The following CSMD1 variants were observed in gnomAD, a reference collection of about 807,000 sequenced individuals.
CSMD1 encodes the protein CUB and sushi domain-containing protein 1.
In CSMD1, 213 loss-of-function variants were observed where a neutral mutation model predicts 417.5. The observed-to-expected ratio is 0.51, with a 90% CI of 0.46 to 0.57. CSMD1 has a LOEUF of 0.57. Among genes scored for constraint, CSMD1 ranks in the 20% least tolerant of loss-of-function variants. The probability of loss-of-function intolerance (pLI) is 0.00; values close to 1 mark genes in which losing one functional copy is unlikely to be tolerated. For synonymous variants in CSMD1, 2,862 were observed against 1,736.8 expected (o/e 1.65, Z -16.11); for missense variants, 6,923 against 4,529.7 (o/e 1.53, Z -15.17).
chr8:3,669,870 G>A (rs931700679), intron 7 of CSMD1, among the ~76,000 whole-genome samples: 2 of 152,150 alleles, frequency 1.3e-5, no homozygotes, highest in Admixed American at 1.3e-4. Flanking sequence ...GGGCCCAGGT[G>A]ATGATCAAGC....
chr8:3,958,771 G>C (rs535438494), intron 5 of CSMD1, among the ~76,000 whole-genome samples: 2 of 152,190 alleles, frequency 1.3e-5, no homozygotes, highest in Non-Finnish European at 2.9e-5. Flanking sequence ...CTTCTGTCCA[G>C]TTCAAAGAGG....
intron 5 of CSMD1, among the ~76,000 whole-genome samples, chr8:3,843,559 C>A (rs1025735486): frequency 6.6e-6 from 1 of 151,838 alleles, no homozygotes; most frequent in Non-Finnish European, 1.5e-5. Context: ...AAGTTATTCA[C>A]GATGCTTTTA....
chr8:3,677,244 A>C (rs1799424550), intron 7 of CSMD1, among the ~76,000 whole-genome samples: 1 of 152,238 alleles, frequency 6.6e-6, no homozygotes, highest in South Asian at 2.1e-4. Context: ...GTCCAAGATT[A>C]ATAGCATGCA....
intron 1 of CSMD1, among the ~76,000 whole-genome samples, chr8:4,715,674 G>A (rs1347812601): frequency 6.6e-6 from 1 of 151,924 alleles, no homozygotes; most frequent in Non-Finnish European, 1.5e-5. Flanking sequence ...CTTAATTTTG[G>A]CAACTGTTCC....
intron 26 of CSMD1, among the ~76,000 whole-genome samples, chr8:3,257,530 G>A (rs7835399): frequency 5.7e-4 from 87 of 152,134 alleles, no homozygotes; most frequent in South Asian, 3.1e-3. Context: ...CAGGAGTGTC[G>A]ATGGCACTGA....
Position 3,108,794 on chromosome 8 carries a change from G to C in CSMD1, c.6609-46C>G, listed in dbSNP as rs936145127. The C allele has an allele frequency of 7.7e-6, 12 of 1,553,450 alleles. No homozygotes were observed. In the Admixed American group the frequency reaches 1.2e-4, roughly 16 times the overall value. ...TGGCTGGCTAAGGATATTTACTTCT[G>C]AGTGAGATTTATGGAAACTTTGGCT... is the stretch of plus-strand genomic sequence containing the variant. On this transcript the variant is annotated intron_variant, in intron 43 of 69. Coordinates refer to ENST00000635120, the MANE Select transcript of CSMD1 (RefSeq NM_033225.6).
intron 54 of CSMD1, 99 bp downstream of exon 54, chr8:2,997,912 G>T (rs1807054237): frequency 1.7e-6 from 2 of 1,163,836 alleles, no homozygotes. Context: ...AACTCTTTAT[G>T]CATTACCCTT....
At chr8:4,980,996 A>G (rs560552835) in intron 1 of CSMD1, among the ~76,000 whole-genome samples, 22 of 152,226 alleles carry the variant, frequency 1.4e-4, no homozygotes, top group Non-Finnish European at 2.9e-4. Context: ...TTTAAATTTA[A>G]CAATTATTAT....
intron 12 of CSMD1, among the ~76,000 whole-genome samples, chr8:3,456,280 C>T (rs1585192131): frequency 7.2e-6 from 1 of 138,158 alleles, no homozygotes; most frequent in Non-Finnish European, 1.6e-5. Flanking sequence ...ATGCCTTGCC[C>T]TGCTTCAGCT....
chr8:4,279,768 C>T (rs534188079), intron 3 of CSMD1, among the ~76,000 whole-genome samples: 6 of 152,232 alleles, frequency 3.9e-5, no homozygotes, highest in Admixed American at 1.3e-4. Flanking sequence ...TAAAACTCTA[C>T]GTAAGATATG....
chr8:4,093,681 C>T (rs966540199), intron 3 of CSMD1, among the ~76,000 whole-genome samples: 2 of 152,126 alleles, frequency 1.3e-5, no homozygotes, highest in Non-Finnish European at 2.9e-5. Flanking sequence ...AACAGAACGG[C>T]CGGGTGCAGA....
rs557455262 is a variant in CSMD1, at chr8:4,443,607, C to T, written c.303-23542G>A. Among the ~76,000 whole-genome samples, 4 of 152,220 alleles carry T rather than the reference C, an allele frequency of 2.6e-5. No individual in the cohort carries two copies. In the East Asian group the frequency reaches 7.7e-4, roughly 29 times the overall value. ...GCATTTGCTTAAAATATAAAGAAAACTTCGCATTCAAAGAATGTACTGGAA... is the reference window on the plus strand; with the variant it reads ...GCATTTGCTTAAAATATAAAGAAAATTTCGCATTCAAAGAATGTACTGGAA... On this transcript the variant is annotated intron_variant, in intron 2 of 69. Coordinates refer to ENST00000635120, the MANE Select transcript of CSMD1 (RefSeq NM_033225.6).
At chr8:3,643,317 GA>G (rs1008399188) in intron 7 of CSMD1, among the ~76,000 whole-genome samples, 125 of 151,598 alleles carry the variant, frequency 8.2e-4, no homozygotes, top group African/African-American at 2.8e-3. Flanking sequence ...AGAAAGAGGT[GA>G]AAAAAAATGA....
At chr8:3,724,737 T>C (rs1035458634) in intron 6 of CSMD1, among the ~76,000 whole-genome samples, 8 of 152,146 alleles carry the variant, frequency 5.3e-5, no homozygotes, top group African/African-American at 1.9e-4. Flanking sequence ...TAAGTGAAAA[T>C]TAGTATTTTC....
chr8:4,535,187 T>C (rs1797043583), intron 2 of CSMD1, among the ~76,000 whole-genome samples: 1 of 152,222 alleles, frequency 6.6e-6, no homozygotes, highest in African/African-American at 2.4e-5. Flanking sequence ...ATAAGGTATA[T>C]AAAGAACTGC....
At chr8:3,072,993 T>C (rs1014439366) in intron 49 of CSMD1, among the ~76,000 whole-genome samples, 6 of 152,096 alleles carry the variant, frequency 3.9e-5, no homozygotes, top group Non-Finnish European at 7.4e-5. Flanking sequence ...TAATGAAAAA[T>C]AAAATCATAA....
At chr8:4,103,668 T>A (rs878856497) in intron 3 of CSMD1, among the ~76,000 whole-genome samples, 2 of 152,128 alleles carry the variant, frequency 1.3e-5, no homozygotes, top group African/African-American at 2.4e-5. Context: ...TATGCCACAT[T>A]TTTACATGAT....
At chr8:4,436,494 G>T (rs1798156485) in intron 2 of CSMD1, among the ~76,000 whole-genome samples, 1 of 151,880 alleles carries the variant, frequency 6.6e-6, no homozygotes, top group South Asian at 2.1e-4. Flanking sequence ...CAGGTTGAGG[G>T]GTATCTCTCC....
At chr8:3,451,295 G>C (rs1420319609) in intron 12 of CSMD1, among the ~76,000 whole-genome samples, 1 of 152,134 alleles carries the variant, frequency 6.6e-6, no homozygotes, top group Non-Finnish European at 1.5e-5. Flanking sequence ...AGTTTCTTTT[G>C]CTGCACAGAA....
Sources: gnomAD v4.1 joint callset for allele counts (sites outside exome capture counted in the v4.1 genomes callset) on GRCh38, gnomAD v4.1.1 for gene constraint, MANE v1.5 for transcripts, NCBI Gene and HGNC (gene_info 2026-07-23, HGNC 2026-07-21) for gene names.